Variants in PPP3CA observed in about 807,000 individuals in gnomAD.
PPP3CA encodes CAM-PRP catalytic subunit.
A neutral mutation model predicts 66.5 loss-of-function variants in PPP3CA; 14 were observed. The observed-to-expected ratio is 0.21, with a 90% CI of 0.14 to 0.33. The LOEUF (loss-of-function observed/expected upper bound fraction) is 0.33, where lower values mean the gene tolerates loss of function less well. Among genes scored for constraint, PPP3CA ranks in the 10% least tolerant of loss-of-function variants. The pLI is 1.00. For missense variants in PPP3CA, 317 were observed against 639.5 expected (o/e 0.50, Z 5.44); for synonymous variants, 232 against 226.2 (o/e 1.03, Z -0.23).
chr4:101,189,719 C>T (rs7660865), intron 2 of PPP3CA, among the ~76,000 whole-genome samples: 3 of 127,438 alleles, frequency 2.4e-5, no homozygotes, highest in Non-Finnish European at 4.7e-5. Context: ...ACCAAAAGAA[C>T]CTAACAAGTG....
intron 1 of PPP3CA, among the ~76,000 whole-genome samples, chr4:101,331,636 T>G (rs968166643): frequency 6.6e-6 from 1 of 152,102 alleles, no homozygotes; most frequent in Admixed American, 6.6e-5. Flanking sequence ...CATGCAGAGG[T>G]AAAGCAAATG....
At chr4:101,152,247 T>C (rs1723166685) in intron 2 of PPP3CA, among the ~76,000 whole-genome samples, 1 of 152,216 alleles carries the variant, frequency 6.6e-6, no homozygotes, top group South Asian at 2.1e-4. Context: ...ACTTTTAATA[T>C]TTGGAAAATC....
chr4:101,098,490 G>A lies in PPP3CA; in HGVS notation c.519C>T (p.Arg173=), dbSNP rs752462646. The A allele has an allele frequency of 1.7e-5, 27 of 1,608,790 alleles. No individual in the cohort carries two copies. The highest frequency in any genetic ancestry group is 9.0e-5 in the East Asian group (4 of 44,636). The change falls in exon 5 of 14, where the codon CGC becomes CGT. Residue 173 remains arginine, a synonymous_variant. Coordinates refer to ENST00000394854, the MANE Select transcript of PPP3CA (RefSeq NM_000944.5). ...KQECKIKYSE[R]VYDACMDAFD... Reference sequence around the variant, plus strand: ...AGGCATCCATACAGGCATCATATACGCGTTCTGAATACTTTATTTTACCTT... The same window carrying A: ...AGGCATCCATACAGGCATCATATACACGTTCTGAATACTTTATTTTACCTT...
chr4:101,126,242 T>C (rs1053938781), intron 2 of PPP3CA, among the ~76,000 whole-genome samples: 2 of 152,214 alleles, frequency 1.3e-5, no homozygotes, highest in African/African-American at 4.8e-5. Flanking sequence ...TTAAGTACCA[T>C]GACTCATGTC....
chr4:101,210,906 C>G (rs1455435502), intron 1 of PPP3CA, among the ~76,000 whole-genome samples: 1 of 152,016 alleles, frequency 6.6e-6, no homozygotes, highest in Non-Finnish European at 1.5e-5. Context: ...TTCTAATTTT[C>G]TAGTTGAAGA....
At chr4:101,107,025 C>A (rs1730784964) in intron 3 of PPP3CA, among the ~76,000 whole-genome samples, 1 of 152,160 alleles carries the variant, frequency 6.6e-6, no homozygotes, top group African/African-American at 2.4e-5. Context: ...AAAGGTCTTA[C>A]AAAATTAGTA....
At chr4:101,308,501 A>G (rs1043368469) in intron 1 of PPP3CA, among the ~76,000 whole-genome samples, 1 of 152,146 alleles carries the variant, frequency 6.6e-6, no homozygotes, top group Non-Finnish European at 1.5e-5. Context: ...GCTACAGTGC[A>G]GTGGCATGAT....
chr4:101,208,498 T>G (rs1174468315), intron 1 of PPP3CA, among the ~76,000 whole-genome samples: 1 of 152,164 alleles, frequency 6.6e-6, no homozygotes, highest in African/African-American at 2.4e-5. Flanking sequence ...ATGGCATATT[T>G]CAGTGTGCAT....
chr4:101,216,343 C>A (rs1725452890), intron 1 of PPP3CA, among the ~76,000 whole-genome samples: 1 of 152,032 alleles, frequency 6.6e-6, no homozygotes, highest in African/African-American at 2.4e-5. Context: ...GTGGTGATAA[C>A]AAATGACCAT....
chr4:101,259,720 T>TAC (rs1047692003), intron 1 of PPP3CA, among the ~76,000 whole-genome samples: 28 of 152,130 alleles, frequency 1.8e-4, no homozygotes, highest in Admixed American at 1.6e-3. Flanking sequence ...TGGACTAAAA[T>TAC]ACACACACAC....
intron 6 of PPP3CA, among the ~76,000 whole-genome samples, chr4:101,088,002 A>C (rs1729743671): frequency 6.6e-6 from 1 of 152,096 alleles, no homozygotes; most frequent in Non-Finnish European, 1.5e-5. Context: ...CTGGTTGGAT[A>C]TGTTCTACTA....
At position 101,041,572 on chromosome 4, in the gene PPP3CA, C is replaced by A. The variant is rs146993693; in HGVS notation, c.1157-1006G>T. On this transcript the variant is annotated intron_variant, in intron 10 of 13. Transcript: ENST00000394854. Reference sequence around the variant, plus strand: ...GCCTCAGCCTCCCAAGTAGCTGGCACAGGCATGTGCCACCAGGCCCAGCTA... The same window carrying A: ...GCCTCAGCCTCCCAAGTAGCTGGCAAAGGCATGTGCCACCAGGCCCAGCTA... 6.9e-3 allele frequency among the ~76,000 whole-genome samples: 1,049 copies of A among 151,536 alleles called. 8 individuals carry two copies. Among genetic ancestry groups the A allele is most frequent in the South Asian group, 0.036 (174 of 4,774 alleles).
At chr4:101,267,713 T>A (rs1260038324) in intron 1 of PPP3CA, among the ~76,000 whole-genome samples, 1 of 152,108 alleles carries the variant, frequency 6.6e-6, no homozygotes. Flanking sequence ...CAATTTATAC[T>A]AGTAACAAAA....
At chr4:101,088,881 G>A (rs17030741) in intron 6 of PPP3CA, among the ~76,000 whole-genome samples, 28,190 of 152,054 alleles carry the variant, frequency 0.19, 3,355 homozygotes, top group African/African-American at 0.33. Flanking sequence ...TGTGATGACT[G>A]GTGGTGATTT....
At chr4:101,253,956 C>A (rs1726757565) in intron 1 of PPP3CA, among the ~76,000 whole-genome samples, 1 of 152,042 alleles carries the variant, frequency 6.6e-6, no homozygotes, top group Non-Finnish European at 1.5e-5. Context: ...ACTCTGTACA[C>A]TCTCTTTGCC....
At chr4:101,339,023 A>G (rs1326421492) in intron 1 of PPP3CA, among the ~76,000 whole-genome samples, 1 of 152,230 alleles carries the variant, frequency 6.6e-6, no homozygotes, top group Non-Finnish European at 1.5e-5. Context: ...CCCACTTGTG[A>G]GAATCTAAGG....
intron 1 of PPP3CA, among the ~76,000 whole-genome samples, chr4:101,267,078 C>A (rs1727191395): frequency 6.6e-6 from 1 of 152,172 alleles, no homozygotes; most frequent in South Asian, 2.1e-4. Context: ...CCTGGGGCGT[C>A]CTCAGTTAAC....
intron 1 of PPP3CA, among the ~76,000 whole-genome samples, chr4:101,342,107 A>AACAC (rs1240250816): frequency 1.3e-5 from 2 of 152,306 alleles, no homozygotes; most frequent in East Asian, 3.9e-4. Context: ...AATTACAAAT[A>AACAC]AAACAAAGAG....
intron 2 of PPP3CA, among the ~76,000 whole-genome samples, chr4:101,124,728 AAAG>A (rs1722169750): frequency 1.1e-3 from 55 of 52,142 alleles, no homozygotes; most frequent in African/African-American, 4.1e-3. Context: ...AAAGAAAGAG[AAAG>A]AAAGAAAGAA....
Sources: allele counts gnomAD v4.1 joint callset (sites outside exome capture counted in the v4.1 genomes callset), GRCh38; gene constraint gnomAD v4.1.1; transcripts MANE v1.5; gene names NCBI Gene and HGNC (gene_info 2026-07-23, HGNC 2026-07-21).